The following PAPSS2 variants were observed in gnomAD, a reference collection of about 807,000 sequenced individuals.
The protein encoded by PAPSS2 is bifunctional 3'-phosphoadenosine 5'-phosphosulfate synthase 2.
In PAPSS2, 61 loss-of-function variants were observed where a neutral mutation model predicts 66.5. The observed-to-expected ratio is 0.92, with a 90% CI of 0.75 to 1.14. The LOEUF (loss-of-function observed/expected upper bound fraction) is 1.14. Ranked by LOEUF, PAPSS2 falls within the 50% of genes most tolerant of loss-of-function variation. The probability of loss-of-function intolerance (pLI) is 0.00; values close to 1 mark genes in which losing one functional copy is unlikely to be tolerated. For synonymous variants in PAPSS2, 289 were observed against 287.5 expected, an observed-to-expected ratio of 1.01 and a Z score of -0.05; for missense variants, 708 against 789.6, an observed-to-expected ratio of 0.90 and a Z score of 1.24.
intron 1 of PAPSS2, among the ~76,000 whole-genome samples, chr10:87,706,567 G>T (rs115515077): frequency 0.014 from 2,084 of 149,754 alleles, 58 homozygotes; most frequent in African/African-American, 0.05. Flanking sequence ...GATCAGCCTG[G>T]GCAACAAGGT....
Position 87,747,599 on chromosome 10 carries a change from A to C in PAPSS2, c.*1629A>C, listed in dbSNP as rs777175685. On this transcript the variant is annotated 3_prime_UTR_variant, in exon 13 of 13. Transcript: ENST00000456849. ...AACCGATATATTTTGTGACTTAAAA[A>C]ATACATTTAAAACTGCTCTTCTGCT... 16 of 152,580 alleles carry C rather than the reference A, an allele frequency of 1.0e-4. No homozygotes were observed. The highest frequency in any genetic ancestry group is 4.4e-5 in the Non-Finnish European group (3 of 68,042). 9.5% of individuals were successfully genotyped at this position (152,580 alleles called of 1,614,324 possible). A position where few individuals can be genotyped will look rare whatever the true frequency, so the allele number is the denominator to read the frequency against.
At chr10:87,707,465 A>C (rs1391713050) in intron 1 of PAPSS2, among the ~76,000 whole-genome samples, 3 of 151,876 alleles carry the variant, frequency 2.0e-5, no homozygotes, top group Non-Finnish European at 4.4e-5. Context: ...TCTTATGTAA[A>C]CTGCCAAACA....
intron 10 of PAPSS2, 70 bp downstream of exon 10, chr10:87,741,440 G>C: frequency 7.3e-7 from 1 of 1,376,310 alleles, no homozygotes; most frequent in East Asian, 2.4e-5. Flanking sequence ...TGTCACCCAG[G>C]CTGGAGTGCA....
chr10:87,702,738 A>G (rs1853333557), intron 1 of PAPSS2, among the ~76,000 whole-genome samples: 1 of 152,112 alleles, frequency 6.6e-6, no homozygotes, highest in South Asian at 2.1e-4. Flanking sequence ...CATTATGAAC[A>G]TCTCAGAACA....
Position 87,689,654 on chromosome 10 carries a change from C to T in PAPSS2, c.28-19542C>T, listed in dbSNP as rs1381354040. On this transcript the variant is annotated intron_variant, in intron 1 of 12. Coordinates refer to ENST00000456849, the MANE Select transcript of PAPSS2 (RefSeq NM_001015880.2). Reference sequence around the variant, plus strand: ...TGCACTCCAGCCTGGGCAACAAGAGCGAAACCTTGTCTCAAAAAAAAAAAA... The same window carrying T: ...TGCACTCCAGCCTGGGCAACAAGAGTGAAACCTTGTCTCAAAAAAAAAAAA... Among the ~76,000 whole-genome samples the T allele has an allele frequency of 6.4e-5, 7 of 109,008 alleles. No individual in the cohort carries two copies. In the East Asian group the frequency reaches 7.6e-4, roughly 12 times the overall value. The allele number at this position is 109,008 out of a possible 152,430, so 71.5% of individuals were successfully genotyped here. A position where few individuals can be genotyped will look rare whatever the true frequency, so the allele number is the denominator to read the frequency against.
chr10:87,726,592 C>A (rs1020896162), intron 8 of PAPSS2, among the ~76,000 whole-genome samples: 1 of 151,830 alleles, frequency 6.6e-6, no homozygotes, highest in Non-Finnish European at 1.5e-5. Context: ...TCTTATGCAC[C>A]CCATAAGCAT....
Position 87,715,738 on chromosome 10 carries a change from C to A in PAPSS2, c.760C>A (p.Leu254Ile). Residue 254 changes from leucine to isoleucine, a missense_variant, in exon 7 of 13, where the codon CTC (leucine) becomes ATC (isoleucine). Leu to Ile is a conservative substitution (Grantham distance 5). Transcript: ENST00000456849. ...LPSLSITKLD[L>I]QWVQVLSEGW... ...TACTTTTTGTGTTTTGCAGCTGGAT[C>A]TCCAGTGGGTCCAGGTTTTGAGCGA... 1.2e-6 allele frequency: 2 copies of A among 1,608,740 alleles called. No individual in the cohort carries two copies. The highest frequency in any genetic ancestry group is 1.7e-6 in the Non-Finnish European group (2 of 1,175,146).
At chr10:87,693,239 G>A (rs1853193026) in intron 1 of PAPSS2, among the ~76,000 whole-genome samples, 1 of 152,162 alleles carries the variant, frequency 6.6e-6, no homozygotes, top group African/African-American at 2.4e-5. Context: ...CTTGAGCCAG[G>A]CTGGCATGGC....
At chr10:87,711,749 C>T (rs75805470) in intron 2 of PAPSS2, among the ~76,000 whole-genome samples, 12 of 152,152 alleles carry the variant, frequency 7.9e-5, no homozygotes, top group Non-Finnish European at 1.3e-4. Context: ...CCTTCCCCCC[C>T]ACCCAAATCC....
rs2131931553 is a variant in PAPSS2, at chr10:87,709,231, G to A, written c.63G>A (p.Gln21=). 1 of 1,613,192 alleles carries A rather than the reference G, an allele frequency of 6.2e-7. No homozygotes were observed. The highest frequency in any genetic ancestry group is 8.5e-7 in the Non-Finnish European group (1 of 1,179,348). ...NQQKSTNVVY[Q]AHHVSRNKRG... is the part of the protein sequence containing the mutation. ...AGAAATCCACCAATGTAGTCTATCA[G>A]GCCCACCATGTGAGCAGGAATAAGA... Residue 21 remains glutamine (Q), a synonymous_variant, in exon 2 of 13, where the codon CAG becomes CAA. Coordinates refer to ENST00000456849, the MANE Select transcript of PAPSS2 (RefSeq NM_001015880.2).
chr10:87,723,870 T>C (rs1853626219), intron 8 of PAPSS2, among the ~76,000 whole-genome samples: 1 of 152,220 alleles, frequency 6.6e-6, no homozygotes, highest in Non-Finnish European at 1.5e-5. Flanking sequence ...TAGGTTTAAA[T>C]GGCTTCATTA....
At chr10:87,674,173 T>A (rs115428979) in intron 1 of PAPSS2, among the ~76,000 whole-genome samples, 2,444 of 152,116 alleles carry the variant, frequency 0.016, 64 homozygotes, top group African/African-American at 0.056. Flanking sequence ...GTAAAAAAAA[T>A]TTCTGTTTTG....
intron 4 of PAPSS2, 67 bp from the exon 5 acceptor site, chr10:87,714,678 G>A: frequency 1.1e-6 from 1 of 948,672 alleles, no homozygotes; most frequent in Non-Finnish European, 1.7e-6. Context: ...CATGTGTTTT[G>A]CCTTATTGAT....
At chr10:87,689,145 A>G (rs1325022132) in intron 1 of PAPSS2, among the ~76,000 whole-genome samples, 2 of 151,922 alleles carry the variant, frequency 1.3e-5, no homozygotes, top group Non-Finnish European at 2.9e-5. Flanking sequence ...GTTGGAGATC[A>G]GCCTGACCAA....
intron 9 of PAPSS2, among the ~76,000 whole-genome samples, chr10:87,736,953 C>A (rs539004040): frequency 6.6e-6 from 1 of 152,140 alleles, no homozygotes; most frequent in Non-Finnish European, 1.5e-5. Flanking sequence ...TCTGCAGACC[C>A]TCCCTGCTTG....
At chr10:87,741,790 C>T (rs1417479830) in intron 10 of PAPSS2, among the ~76,000 whole-genome samples, 4 of 138,872 alleles carry the variant, frequency 2.9e-5, no homozygotes, top group African/African-American at 1.1e-4. Flanking sequence ...CAGGTCTCAC[C>T]CTGTCACCCA....
intron 12 of PAPSS2, 102 bp from the exon 13 acceptor site, chr10:87,745,730 T>G: frequency 6.6e-6 from 8 of 1,204,852 alleles, no homozygotes; most frequent in African/African-American, 1.5e-5. Context: ...TGCAGCATTT[T>G]ACAGAAAGAA....
intron 1 of PAPSS2, among the ~76,000 whole-genome samples, chr10:87,677,175 C>T (rs769816359): frequency 1.6e-4 from 25 of 152,090 alleles, no homozygotes; most frequent in Non-Finnish European, 3.1e-4. Flanking sequence ...GCCTGGGCAA[C>T]AGAGCGAGAC....
At chr10:87,716,485 A>G (rs1323449619) in intron 7 of PAPSS2, among the ~76,000 whole-genome samples, 1 of 152,198 alleles carries the variant, frequency 6.6e-6, no homozygotes, top group African/African-American at 2.4e-5. Flanking sequence ...TCCTTCCTAG[A>G]ACTGCCTGAA....
Sources: allele counts gnomAD v4.1 joint callset (sites outside exome capture counted in the v4.1 genomes callset), GRCh38; gene constraint gnomAD v4.1.1; transcripts MANE v1.5; gene names NCBI Gene and HGNC (gene_info 2026-07-23, HGNC 2026-07-21).